AUTS2: variants seen among roughly 807,000 people sequenced by gnomAD.
The protein encoded by AUTS2 is autism susceptibility gene 2 protein.
A neutral mutation model predicts 112.4 loss-of-function variants in AUTS2; 17 were observed. That is an observed-to-expected ratio of 0.15 (90% confidence interval 0.10 to 0.23). AUTS2 has a LOEUF of 0.23. AUTS2 is among the 10% of genes least tolerant of loss of function. The pLI, the probability that AUTS2 is intolerant of heterozygous loss-of-function variation, is 1.00. For synonymous variants in AUTS2, 751 were observed against 702.7 expected (o/e 1.07, Z -1.09); for missense variants, 1,510 against 1,701.6 (o/e 0.89, Z 1.98).
intron 5 of AUTS2, among the ~76,000 whole-genome samples, chr7:70,510,982 G>T (rs1035186240): frequency 6.6e-6 from 1 of 152,014 alleles, no homozygotes; most frequent in Admixed American, 6.6e-5. Flanking sequence ...CTGAGTAGTT[G>T]GGATTACAGG....
At chr7:70,772,339 T>C (rs1753060327) in intron 11 of AUTS2, among the ~76,000 whole-genome samples, 1 of 152,262 alleles carries the variant, frequency 6.6e-6, no homozygotes, top group Non-Finnish European at 1.5e-5. Flanking sequence ...TCAGTGATAA[T>C]GCCGTCCAGC....
At chr7:70,257,743 C>T (rs184399513) in intron 4 of AUTS2, among the ~76,000 whole-genome samples, 1 of 151,976 alleles carries the variant, frequency 6.6e-6, no homozygotes, top group East Asian at 1.9e-4. Flanking sequence ...CAGGAGTGAG[C>T]CATCATGCCC....
In AUTS2 at chr7:70,279,880, A is replaced by G. The variant is rs564282229; in HGVS notation, c.660+145309A>G. Among the ~76,000 whole-genome samples, 19 of 152,332 alleles carry G rather than the reference A, an allele frequency of 1.2e-4. No individual in the cohort carries two copies. In the South Asian group the frequency reaches 3.9e-3, roughly 32 times the overall value. The stretch of plus-strand genomic sequence containing the variant: ...CCATTGTAAAATTATTTTCACAAAA[A>G]TATATTTGTCTACAGTAAGAGTTAT... On this transcript the variant is annotated intron_variant, in intron 4 of 18. Coordinates refer to ENST00000342771, the MANE Select transcript of AUTS2 (RefSeq NM_015570.4).
intron 2 of AUTS2, among the ~76,000 whole-genome samples, chr7:69,907,799 G>A (rs1056170089): frequency 2.6e-5 from 4 of 152,248 alleles, no homozygotes; most frequent in Admixed American, 2.0e-4. Context: ...AACAAGAGAA[G>A]AAGGAAGAGA....
chr7:69,778,580 A>G (rs1426513673), intron 1 of AUTS2, among the ~76,000 whole-genome samples: 1 of 152,140 alleles, frequency 6.6e-6, no homozygotes, highest in Non-Finnish European at 1.5e-5. Context: ...ATATGATGTT[A>G]CCATGGGCTG....
intron 2 of AUTS2, among the ~76,000 whole-genome samples, chr7:69,936,957 C>G (rs1796438752): frequency 6.6e-6 from 1 of 152,108 alleles, no homozygotes; most frequent in Non-Finnish European, 1.5e-5. Context: ...TCCCCGCTCC[C>G]TGTTCTCTCT....
intron 5 of AUTS2, among the ~76,000 whole-genome samples, chr7:70,458,688 G>A (rs2131168229): frequency 6.6e-6 from 1 of 152,162 alleles, no homozygotes; most frequent in African/African-American, 2.4e-5. Context: ...CAATTGGTGG[G>A]GAATTTTTTC....
rs545657994 is a variant in AUTS2 at position 70,572,129 on chromosome 7, G to A, written c.691-126440G>A. On this transcript the variant is annotated intron_variant, in intron 5 of 18. Transcript: ENST00000342771. ...TATGCATTCGAGTTCCCATGGCATC[G>A]TTTGGCCTAGCTATGGCAGCCCAGA... is the stretch of plus-strand genomic sequence containing the variant. Among the ~76,000 whole-genome samples, 144 of 152,224 alleles carry A rather than the reference G, an allele frequency of 9.5e-4. 2 individuals are homozygous for A. The highest frequency in any genetic ancestry group is 3.4e-3 in the Middle Eastern group (1 of 294).
intron 4 of AUTS2, among the ~76,000 whole-genome samples, chr7:70,375,226 T>TCAAAATCTCAAA (rs778514915): frequency 6.6e-6 from 1 of 152,220 alleles, no homozygotes; most frequent in Non-Finnish European, 1.5e-5. Flanking sequence ...GATTTTTTTC[T>TCAAAATCTCAAA]ATCTCAAAAT....
chr7:70,026,177 A>G (rs1484659089), intron 2 of AUTS2, among the ~76,000 whole-genome samples: 3 of 152,192 alleles, frequency 2.0e-5, no homozygotes, highest in Non-Finnish European at 4.4e-5. Flanking sequence ...CCTTAGCCAG[A>G]TATTCCCTAG....
intron 4 of AUTS2, among the ~76,000 whole-genome samples, chr7:70,248,311 A>G (rs1220409271): frequency 6.6e-6 from 1 of 152,106 alleles, no homozygotes; most frequent in East Asian, 1.9e-4. Context: ...CAGTAAAAAA[A>G]CATCATTTTG....
chr7:70,365,555 T>C (rs1792532171), intron 4 of AUTS2, among the ~76,000 whole-genome samples: 1 of 152,258 alleles, frequency 6.6e-6, no homozygotes, highest in Non-Finnish European at 1.5e-5. Flanking sequence ...CTTCCATTCA[T>C]GTCTGACATC....
At chr7:69,814,364 A>G (rs528035844) in intron 1 of AUTS2, among the ~76,000 whole-genome samples, 1 of 152,312 alleles carries the variant, frequency 6.6e-6, no homozygotes, top group South Asian at 2.1e-4. Flanking sequence ...CTGAGACAAA[A>G]TATAGATTGT....
chr7:69,703,498 T>A (rs1240278554), intron 1 of AUTS2, among the ~76,000 whole-genome samples: 1 of 152,160 alleles, frequency 6.6e-6, no homozygotes, highest in Non-Finnish European at 1.5e-5. Context: ...CTGAGAGAAA[T>A]GTAAATGTTG....
intron 1 of AUTS2, among the ~76,000 whole-genome samples, chr7:69,887,413 CAAAA>C (rs142082810): frequency 5.7e-5 from 3 of 53,038 alleles, no homozygotes; most frequent in Non-Finnish European, 4.1e-5. Flanking sequence ...AAGACTTCAT[CAAAA>C]AAAAAAAAAA....
chr7:69,913,990 T>G (rs1031673674), intron 2 of AUTS2, among the ~76,000 whole-genome samples: 3 of 152,198 alleles, frequency 2.0e-5, no homozygotes, highest in Non-Finnish European at 4.4e-5. Flanking sequence ...ATGTCATCTT[T>G]CATAGGGGCT....
At chr7:70,591,744 C>G (rs756298930) in intron 5 of AUTS2, among the ~76,000 whole-genome samples, 9 of 152,302 alleles carry the variant, frequency 5.9e-5, no homozygotes, top group African/African-American at 1.4e-4. Context: ...ATGCTCCCCC[C>G]ACCTGCAACA....
At chr7:70,699,972 C>G (rs1563137351) in intron 6 of AUTS2, among the ~76,000 whole-genome samples, 1 of 149,608 alleles carries the variant, frequency 6.7e-6, no homozygotes, top group Non-Finnish European at 1.5e-5. Context: ...CCACATGTGA[C>G]TGTGTCTGTC....
At chr7:70,657,872 G>T (rs1402558876) in intron 5 of AUTS2, among the ~76,000 whole-genome samples, 1 of 152,134 alleles carries the variant, frequency 6.6e-6, no homozygotes, top group Admixed American at 6.5e-5. Flanking sequence ...GATCCCCTTG[G>T]GGGCCCTTGG....
Sources: gnomAD v4.1 joint callset for allele counts (sites outside exome capture counted in the v4.1 genomes callset) on GRCh38, gnomAD v4.1.1 for gene constraint, MANE v1.5 for transcripts, NCBI Gene and HGNC (gene_info 2026-07-23, HGNC 2026-07-21) for gene names.